Variants in DNAH11 observed in about 807,000 individuals in gnomAD.
The protein encoded by DNAH11 is axonemal beta dynein heavy chain 11.
DNAH11 carries 442 observed loss-of-function variants against 526.0 expected under a neutral mutation model. That is an observed-to-expected ratio of 0.84 (90% CI 0.78 to 0.91). DNAH11 has a LOEUF of 0.91. Among genes scored for constraint, DNAH11 ranks in the 40% least tolerant of loss-of-function variants. The probability of loss-of-function intolerance (pLI) is 0.00; values close to 1 mark genes in which losing one functional copy is unlikely to be tolerated. For synonymous variants in DNAH11, 2,461 were observed against 1,935.9 expected (o/e 1.27, Z -7.12); for missense variants, 6,989 against 5,448.7 (o/e 1.28, Z -8.90).
At chr7:21,617,887 T>C in intron 23 of DNAH11, 110 bp downstream of exon 23, 1 of 1,156,272 alleles carries the variant, frequency 8.6e-7, no homozygotes, top group Non-Finnish European at 1.2e-6. Flanking sequence ...CCCCTCAGCA[T>C]AGCCTCTACT....
intron 57 of DNAH11, among the ~76,000 whole-genome samples, chr7:21,780,829 G>A (rs1278071045): frequency 1.3e-5 from 2 of 152,178 alleles, no homozygotes; most frequent in Non-Finnish European, 2.9e-5. Context: ...TCACCAGGCA[G>A]TGTTGTAGAC....
At chr7:21,754,933 C>T (rs1409372194) in intron 54 of DNAH11, among the ~76,000 whole-genome samples, 1 of 152,194 alleles carries the variant, frequency 6.6e-6, no homozygotes, top group African/African-American at 2.4e-5. Context: ...ATGTTATTTT[C>T]AGATATCATG....
intron 40 of DNAH11, 76 bp from the exon 41 acceptor site, chr7:21,710,477 T>G (rs558637584): frequency 2.2e-5 from 30 of 1,363,076 alleles, no homozygotes; most frequent in Non-Finnish European, 2.9e-5. Context: ...TTTATTTAGT[T>G]AATAAAAGAG....
chr7:21,832,089 CA>C (rs11431158), intron 65 of DNAH11, among the ~76,000 whole-genome samples: 56 of 138,698 alleles, frequency 4.0e-4, no homozygotes, highest in South Asian at 7.1e-4. Context: ...GACTCCATCT[CA>C]AAAAAAAAAA....
At chr7:21,726,075 T>G in intron 45 of DNAH11, 91 bp downstream of exon 45, 5 of 1,262,060 alleles carry the variant, frequency 4.0e-6, no homozygotes, top group Non-Finnish European at 5.2e-6. Flanking sequence ...AGAAAAGAGG[T>G]TTAATTGGCT....
At chr7:21,690,402 C>T (rs1783565565) in intron 34 of DNAH11, among the ~76,000 whole-genome samples, 1 of 152,208 alleles carries the variant, frequency 6.6e-6, no homozygotes, top group Non-Finnish European at 1.5e-5. Context: ...TGGGCATTCT[C>T]TGTCTATGCA....
intron 1 of DNAH11, 199 bp downstream of exon 1, chr7:21,543,795 C>T: frequency 5.0e-6 from 3 of 604,768 alleles, no homozygotes. Context: ...AGGTTAGTTT[C>T]CTAAGTCAGC....
Position 21,742,102 on chromosome 7 carries a change from T to G in DNAH11, c.8090T>G (p.Phe2697Cys). The change falls in exon 49 of 82, where the codon TTT becomes TGT. Residue 2697 changes from phenylalanine (F) to cysteine (C), a missense_variant. By Grantham distance (205) the Phe-to-Cys change is radical. Coordinates refer to ENST00000409508, the MANE Select transcript of DNAH11 (RefSeq NM_001277115.2). ...TTCCATCAGACAATGATGTGTAACT[T>G]TTTACCCACGGCTATTAAATTCCAC... ...IAFHQTMMCN[F>C]LPTAIKFHYI... 3.1e-6 allele frequency: 5 copies of G among 1,613,928 alleles called. No individual in the cohort carries two copies. The highest frequency in any genetic ancestry group is 3.4e-6 in the Non-Finnish European group (4 of 1,179,856).
chr7:21,844,749 T>G (rs570732468), intron 66 of DNAH11, among the ~76,000 whole-genome samples: 4 of 152,336 alleles, frequency 2.6e-5, no homozygotes, highest in African/African-American at 9.6e-5. Context: ...CAATCATGTT[T>G]TACTAAGCCA....
chr7:21,644,054 A>C (rs1394124771), intron 28 of DNAH11, among the ~76,000 whole-genome samples: 1 of 148,912 alleles, frequency 6.7e-6, no homozygotes, highest in Non-Finnish European at 1.5e-5. Context: ...CATCTGCACC[A>C]ATCTACACAC....
intron 8 of DNAH11, 82 bp downstream of exon 8, chr7:21,572,055 A>ATCACT: frequency 8.2e-7 from 1 of 1,221,152 alleles, no homozygotes; most frequent in Non-Finnish European, 1.1e-6. Context: ...CAGTGATAAT[A>ATCACT]GGGACCATCC....
At chr7:21,880,589 GC>G (rs1251117891) in intron 74 of DNAH11, 112 bp from the exon 75 acceptor site, 1 of 1,067,280 alleles carries the variant, frequency 9.4e-7, no homozygotes, top group African/African-American at 1.6e-5. Flanking sequence ...GCTGAAGACT[GC>G]CTCTGTAGTA....
intron 63 of DNAH11, among the ~76,000 whole-genome samples, chr7:21,809,399 A>C (rs1241831308): frequency 6.6e-6 from 1 of 152,028 alleles, no homozygotes; most frequent in African/African-American, 2.4e-5. Flanking sequence ...ATACGATCCC[A>C]CTTTTGCATT....
chr7:21,615,172 G>T lies in DNAH11; in HGVS notation c.3911G>T (p.Arg1304Leu). The change falls in exon 21 of 82, where the codon CGT (arginine) becomes CTT (leucine). Residue 1304 changes from arginine to leucine, a missense_variant. Physicochemically the swap from Arg to Leu is moderately radical, Grantham distance 102 (BLOSUM62 -2). Transcript: ENST00000409508. ...ATGTTGCAGATGCAAGAATCTACTC[G>T]TCTTTTTGAAGTGGCTCTTCCAGAG... The part of the protein sequence containing the change: ...EEMLQMQEST[R>L]LFEVALPEYK... 1 of 1,612,956 alleles carries T rather than the reference G, an allele frequency of 6.2e-7. No individual in the cohort carries two copies. The highest frequency in any genetic ancestry group is 8.5e-7 in the Non-Finnish European group (1 of 1,179,432).
intron 8 of DNAH11, among the ~76,000 whole-genome samples, chr7:21,579,315 G>A (rs1173313681): frequency 6.6e-6 from 1 of 152,096 alleles, no homozygotes; most frequent in Non-Finnish European, 1.5e-5. Context: ...TATGTCCTGG[G>A]AACTCCATTA....
At chr7:21,597,596 AAC>A (rs1457928235) in intron 14 of DNAH11, among the ~76,000 whole-genome samples, 1 of 152,178 alleles carries the variant, frequency 6.6e-6, no homozygotes, top group Non-Finnish European at 1.5e-5. Flanking sequence ...AAGGGGAAGA[AAC>A]ACACACTTAT....
intron 62 of DNAH11, 61 bp downstream of exon 62, chr7:21,801,336 A>G: frequency 2.5e-6 from 4 of 1,586,490 alleles, no homozygotes; most frequent in Non-Finnish European, 3.4e-6. Context: ...TGGGGATTTT[A>G]TTATTTGCCA....
At position 21,591,172 on chromosome 7, in the gene DNAH11, TTTC is replaced by T. The variant is rs1415367151; in HGVS notation, c.2275-10_2275-8del. The T allele has an allele frequency of 1.3e-6, 2 of 1,519,902 alleles. No individual in the cohort carries two copies. The highest frequency in any genetic ancestry group is 4.6e-5 in the Admixed American group (2 of 43,646). The allele number at this position is 1,519,902 out of a possible 1,614,324, so 94.2% of individuals were successfully genotyped here. A position where few individuals can be genotyped will look rare whatever the true frequency, so the allele number is the denominator to read the frequency against. ...TATTTGGCACTTTTTGTTTTGGGGT[TTTC>T]TTTGCTCAGTACATTGGAAATCTTG... On this transcript the variant is annotated splice_polypyrimidine_tract_variant and intron_variant, in intron 13 of 81. Coordinates refer to ENST00000409508, the MANE Select transcript of DNAH11 (RefSeq NM_001277115.2).
chr7:21,812,665 AAAGAG>A (rs1321192144), intron 63 of DNAH11, among the ~76,000 whole-genome samples: 1 of 152,082 alleles, frequency 6.6e-6, no homozygotes, highest in East Asian at 1.9e-4. Context: ...AAAAGAAAGA[AAAGAG>A]AGAGAGAGAG....
Sources: gnomAD v4.1 joint callset for allele counts (sites outside exome capture counted in the v4.1 genomes callset) on GRCh38, gnomAD v4.1.1 for gene constraint, MANE v1.5 for transcripts, NCBI Gene and HGNC (gene_info 2026-07-23, HGNC 2026-07-21) for gene names.